The following LUZP2 variants were observed in gnomAD, a reference collection of about 807,000 sequenced individuals.
LUZP2 encodes the protein leucine zipper protein 2.
In LUZP2, 52 loss-of-function variants were observed where a neutral mutation model predicts 51.6. That is an observed-to-expected ratio of 1.01 (90% CI 0.81 to 1.27). The LOEUF is 1.27. LUZP2 is among the 50% of genes most tolerant of loss of function. LUZP2 has a pLI of 0.00. For missense variants in LUZP2, 436 were observed against 395.4 expected (o/e 1.10, Z -0.87); for synonymous variants, 154 against 137.3 (o/e 1.12, Z -0.85).
At chr11:24,824,989 G>A (rs113775637) in intron 5 of LUZP2, among the ~76,000 whole-genome samples, 19 of 152,102 alleles carry the variant, frequency 1.2e-4, no homozygotes, top group African/African-American at 4.6e-4. Flanking sequence ...GTGAAACAAT[G>A]TTAGATCTGA....
intron 7 of LUZP2, among the ~76,000 whole-genome samples, chr11:24,937,857 T>C (rs1390050076): frequency 1.3e-5 from 2 of 149,008 alleles, no homozygotes; most frequent in South Asian, 2.1e-4. Flanking sequence ...GCCGAGATCG[T>C]GCCACTGCAC....
intron 1 of LUZP2, among the ~76,000 whole-genome samples, chr11:24,622,765 G>A (rs776623993): frequency 7.9e-5 from 12 of 152,044 alleles, no homozygotes; most frequent in South Asian, 6.2e-4. Context: ...TTTTGAAGAC[G>A]GAGTTTGGAA....
chr11:25,006,811 A>C (rs1402787057), intron 9 of LUZP2, among the ~76,000 whole-genome samples: 1 of 152,138 alleles, frequency 6.6e-6, no homozygotes, highest in African/African-American at 2.4e-5. Context: ...TACAGCTCAT[A>C]AAGGTAGTGC....
At chr11:24,877,022 T>G (rs1439569383) in intron 5 of LUZP2, among the ~76,000 whole-genome samples, 1 of 152,196 alleles carries the variant, frequency 6.6e-6, no homozygotes, top group South Asian at 2.1e-4. Context: ...TGTAACACTC[T>G]GCTATTTGGG....
intron 3 of LUZP2, among the ~76,000 whole-genome samples, chr11:24,737,099 T>C (rs910441780): frequency 2.0e-5 from 3 of 152,066 alleles, no homozygotes; most frequent in Admixed American, 6.6e-5. Flanking sequence ...GGTCAGAGAA[T>C]GAACATAAGG....
At chr11:24,821,341 G>A (rs1034386906) in intron 5 of LUZP2, among the ~76,000 whole-genome samples, 4 of 152,088 alleles carry the variant, frequency 2.6e-5, no homozygotes, top group African/African-American at 7.2e-5. Context: ...GAATGGATGC[G>A]TGTATAAATG....
At chr11:24,924,578 G>A (rs1192183019) in intron 7 of LUZP2, among the ~76,000 whole-genome samples, 1 of 152,094 alleles carries the variant, frequency 6.6e-6, no homozygotes, top group Non-Finnish European at 1.5e-5. Context: ...TATGAGACTG[G>A]TTTCAATTAA....
chr11:24,821,815 C>G (rs56363615), intron 5 of LUZP2, among the ~76,000 whole-genome samples: 103 of 151,632 alleles, frequency 6.8e-4, no homozygotes, highest in Middle Eastern at 3.5e-3. Flanking sequence ...GTATAGTAAA[C>G]TACAGTCCTT....
intron 5 of LUZP2, among the ~76,000 whole-genome samples, chr11:24,779,151 A>T (rs981975117): frequency 2.0e-5 from 3 of 152,216 alleles, no homozygotes; most frequent in Non-Finnish European, 1.5e-5. Context: ...TATTTACATT[A>T]ACTATGTTAA....
chr11:24,881,483 C>G (rs28620252), intron 5 of LUZP2, among the ~76,000 whole-genome samples: 18 of 151,484 alleles, frequency 1.2e-4, no homozygotes, highest in African/African-American at 3.2e-4. Flanking sequence ...TCTTTATGCT[C>G]AAAGTTAAGG....
At chr11:24,699,041 A>G (rs1857337048) in intron 1 of LUZP2, among the ~76,000 whole-genome samples, 1 of 151,896 alleles carries the variant, frequency 6.6e-6, no homozygotes, top group Admixed American at 6.6e-5. Flanking sequence ...TGGGTGGCAG[A>G]GAAAGACACT....
chr11:24,668,056 G>A (rs1254988137), intron 1 of LUZP2, among the ~76,000 whole-genome samples: 1 of 152,174 alleles, frequency 6.6e-6, no homozygotes, highest in Non-Finnish European at 1.5e-5. Context: ...TAGCAGACTG[G>A]AAAGAAAATC....
intron 1 of LUZP2, among the ~76,000 whole-genome samples, chr11:24,519,371 T>C (rs1317596340): frequency 6.6e-6 from 1 of 152,124 alleles, no homozygotes; most frequent in Non-Finnish European, 1.5e-5. Flanking sequence ...GTCTAGGAAA[T>C]CGGATGTAGT....
chr11:24,966,901 T>TTA (rs956812825), intron 7 of LUZP2, among the ~76,000 whole-genome samples: 12 of 147,546 alleles, frequency 8.1e-5, no homozygotes, highest in Non-Finnish European at 1.5e-4. Flanking sequence ...AATATATATA[T>TTA]TATATATATA....
At chr11:24,715,099 A>G (rs1857985429) in intron 1 of LUZP2, among the ~76,000 whole-genome samples, 1 of 152,184 alleles carries the variant, frequency 6.6e-6, no homozygotes, top group African/African-American at 2.4e-5. Context: ...ATGCTGGTAT[A>G]TCTGGGCGTA....
intron 1 of LUZP2, among the ~76,000 whole-genome samples, chr11:24,692,827 C>A (rs1375621091): frequency 6.6e-6 from 1 of 152,066 alleles, no homozygotes; most frequent in East Asian, 1.9e-4. Context: ...CCTTAAAATT[C>A]ATAAAACAAA....
intron 10 of LUZP2, among the ~76,000 whole-genome samples, chr11:25,075,936 G>T (rs1022721251): frequency 1.3e-5 from 2 of 151,760 alleles, no homozygotes; most frequent in Admixed American, 6.6e-5. Flanking sequence ...TTCATCGCTT[G>T]GAAATAAACT....
In LUZP2 at chr11:24,857,286, T is replaced by TAC. The variant is rs1169843385; in HGVS notation, c.397-48704_397-48703insCA. On this transcript the variant is annotated intron_variant, in intron 5 of 11. Transcript: ENST00000336930. ...AGATTCATGGGGATATATATATATA[T>TAC]ATACATATATATATATACATATATA... Among the ~76,000 whole-genome samples the TAC allele has an allele frequency of 1.2e-3, 94 of 77,002 alleles. 2 individuals carry two copies. In the East Asian group the frequency reaches 0.025, roughly 21 times the overall value. The allele number at this position is 77,002 out of a possible 152,430, so 50.5% of individuals were successfully genotyped here.
intron 9 of LUZP2, among the ~76,000 whole-genome samples, chr11:25,010,509 A>G (rs1000139987): frequency 1.3e-5 from 2 of 151,082 alleles, no homozygotes; most frequent in Non-Finnish European, 2.9e-5. Flanking sequence ...GATCACACCA[A>G]TGCACTCCAA....
Sources: gnomAD v4.1 joint callset for allele counts (sites outside exome capture counted in the v4.1 genomes callset) on GRCh38, gnomAD v4.1.1 for gene constraint, MANE v1.5 for transcripts, NCBI Gene and HGNC (gene_info 2026-07-23, HGNC 2026-07-21) for gene names.